Variants in OR10Z1 observed in about 807,000 individuals in gnomAD.
OR10Z1 encodes the protein olfactory receptor 10Z1.
For synonymous variants in OR10Z1, 187 were observed against 151.2 expected (o/e 1.24, Z -1.74); for missense variants, 468 against 371.0 (o/e 1.26, Z -2.15).
chr1:158,607,754 G>A lies in OR10Z1; in HGVS notation c.*374G>A, dbSNP rs1649098579. The stretch of plus-strand genomic sequence containing the variant: ...TTCAAGTTCAAGGCAGGGCTGGCTG[G>A]AGCCCATCAGGGATACTGTAGAGAT... On this transcript the variant is annotated 3_prime_UTR_variant, in exon 2 of 2. Transcript: ENST00000641002. 5.6e-6 allele frequency: 1 copy of A among 178,686 alleles called. No individual in the cohort carries two copies. Among genetic ancestry groups the A allele is most frequent in the Non-Finnish European group, 1.2e-5 (1 of 85,018 alleles). The allele number at this position is 178,686 out of a possible 1,614,324, so 11.1% of individuals were successfully genotyped here.
At chr1:158,606,021 T>A (rs1249427359) in intron 1 of OR10Z1, among the ~76,000 whole-genome samples, 2 of 152,252 alleles carry the variant, frequency 1.3e-5, no homozygotes, top group Non-Finnish European at 2.9e-5. Context: ...GTGTTTGTAA[T>A]GTATGTGCCT....
At position 158,607,896 on chromosome 1, in the gene OR10Z1, T is replaced by C. The variant is rs1649101368; in HGVS notation, c.*516T>C. The C allele has an allele frequency of 6.6e-6, 1 of 152,462 alleles. No individual in the cohort carries two copies. Among genetic ancestry groups the C allele is most frequent in the African/African-American group, 2.4e-5 (1 of 41,444 alleles). The allele number at this position is 152,462 out of a possible 1,614,324, so 9.4% of individuals were successfully genotyped here. On this transcript the variant is annotated 3_prime_UTR_variant, in exon 2 of 2. Transcript: ENST00000641002. ...AAGCTTTGTTAAATGAACAGGTGGG[T>C]CATTTTTACTCCCACTGGGTGTCTT...
Position 158,611,212 on chromosome 1 carries a change from A to G in OR10Z1, c.*3832A>G. 2 of 1,604,608 alleles carry G rather than the reference A, an allele frequency of 1.2e-6. No individual in the cohort carries two copies. The highest frequency in any genetic ancestry group is 1.7e-5 in the Admixed American group (1 of 59,654). ...CATTTGCCTGTACTCTTTGCCCCCC[A>G]GTAAATTTCCCACGACACTAAGATT... On this transcript the variant is annotated 3_prime_UTR_variant, in exon 2 of 2. Transcript: ENST00000641002.
In OR10Z1 at chr1:158,609,866, C is replaced by T. The variant is rs1159515460; in HGVS notation, c.*2486C>T. 1.3e-5 allele frequency: 2 copies of T among 152,124 alleles called. No individual in the cohort carries two copies. Among genetic ancestry groups the T allele is most frequent in the Non-Finnish European group, 2.9e-5 (2 of 68,010 alleles). The allele number at this position is 152,124 out of a possible 1,614,324, so 9.4% of individuals were successfully genotyped here. ...GGTTAGCATTGGGGGAATGGAATCACATCCACCTTTGCTTGTGATTATTTT... is the reference window on the plus strand; with the variant it reads ...GGTTAGCATTGGGGGAATGGAATCATATCCACCTTTGCTTGTGATTATTTT... On this transcript the variant is annotated 3_prime_UTR_variant, in exon 2 of 2. Coordinates refer to ENST00000641002, the MANE Select transcript of OR10Z1 (RefSeq NM_001004478.2).
Position 158,609,927 on chromosome 1 carries a change from A to C in OR10Z1, c.*2547A>C, listed in dbSNP as rs1649163905. 2 of 152,188 alleles carry C rather than the reference A, an allele frequency of 1.3e-5. No homozygotes were observed. The highest frequency in any genetic ancestry group is 6.5e-5 in the Admixed American group (1 of 15,268). 9.4% of individuals were successfully genotyped at this position (152,188 alleles called of 1,614,324 possible). A position where few individuals can be genotyped will look rare whatever the true frequency, so the allele number is the denominator to read the frequency against. On this transcript the variant is annotated 3_prime_UTR_variant, in exon 2 of 2. Transcript: ENST00000641002. ...AGTTTTAGACTATCCATATGTGGTA[A>C]GTGTGATATTAAACAATGCTAATTT...
At position 158,606,613 on chromosome 1, in the gene OR10Z1, A is replaced by G. The variant is rs764204423; in HGVS notation, c.175A>G (p.Met59Val). Residue 59 changes from methionine (M) to valine (V), a missense_variant, in exon 2 of 2, where the codon ATG (methionine) becomes GTG (valine). Transcript: ENST00000641002. ...IRLDSHLHTP[M>V]YLFLSFLSFS... ...GCTGGATAGCCATCTGCACACCCCC[A>G]TGTACCTCTTCCTTTCCTTCCTATC... The G allele has an allele frequency of 1.7e-5, 27 of 1,613,768 alleles. No individual in the cohort carries two copies. Among genetic ancestry groups the G allele is most frequent in the East Asian group, 4.5e-5 (2 of 44,872 alleles).
Position 158,607,211 on chromosome 1 carries a change from T to C in OR10Z1, c.773T>C (p.Val258Ala). 6.2e-7 allele frequency: 1 copy of C among 1,614,096 alleles called. No individual in the cohort carries two copies. The highest frequency in any genetic ancestry group is 8.5e-7 in the Non-Finnish European group (1 of 1,179,958). The change falls in exon 2 of 2, where the codon GTG (valine) becomes GCG (alanine). Residue 258 changes from valine (V) to alanine (A), a missense_variant. Coordinates refer to ENST00000641002, the MANE Select transcript of OR10Z1 (RefSeq NM_001004478.2). ...VIIHYGCASF[V>A]YLRPKASYSL... ...ATTCATTATGGCTGTGCTTCCTTCG[T>C]GTACCTGAGGCCCAAAGCCAGCTAC...
At position 158,608,122 on chromosome 1, in the gene OR10Z1, T is replaced by C. The variant is rs1209588382; in HGVS notation, c.*742T>C. On this transcript the variant is annotated 3_prime_UTR_variant, in exon 2 of 2. Coordinates refer to ENST00000641002, the MANE Select transcript of OR10Z1 (RefSeq NM_001004478.2). ...TTGATTTTCCAAGCTGGGTGCACTCTATTTCAGAAAATATATTTACTTCCT... is the reference window on the plus strand; with the variant it reads ...TTGATTTTCCAAGCTGGGTGCACTCCATTTCAGAAAATATATTTACTTCCT... 6.6e-6 allele frequency: 1 copy of C among 152,136 alleles called. No homozygotes were observed. The highest frequency in any genetic ancestry group is 2.4e-5 in the African/African-American group (1 of 41,434). 9.4% of individuals were successfully genotyped at this position (152,136 alleles called of 1,614,324 possible). A position where few individuals can be genotyped will look rare whatever the true frequency, so the allele number is the denominator to read the frequency against.
At position 158,610,626 on chromosome 1, in the gene OR10Z1, T is replaced by A. The variant is rs1352431195; in HGVS notation, c.*3246T>A. The A allele has an allele frequency of 2.0e-5, 3 of 152,010 alleles. No homozygotes were observed. Among genetic ancestry groups the A allele is most frequent in the Non-Finnish European group, 4.4e-5 (3 of 67,994 alleles). The allele number at this position is 152,010 out of a possible 1,614,324, so 9.4% of individuals were successfully genotyped here. The stretch of plus-strand genomic sequence containing the variant: ...AATAACATCTACAATAATTTTGAAG[T>A]ATGGAAAAAAAACAAGAAGAAAACA... On this transcript the variant is annotated 3_prime_UTR_variant, in exon 2 of 2. Coordinates refer to ENST00000641002, the MANE Select transcript of OR10Z1 (RefSeq NM_001004478.2).
chr1:158,611,166 C>G lies in OR10Z1; in HGVS notation c.*3786C>G. On this transcript the variant is annotated 3_prime_UTR_variant, in exon 2 of 2. Transcript: ENST00000641002. Reference sequence around the variant, plus strand: ...ACACACACACACACACACACACACACGAGGCCATCTTTATCTTCCACATTT... The same window carrying G: ...ACACACACACACACACACACACACAGGAGGCCATCTTTATCTTCCACATTT... The G allele has an allele frequency of 1.4e-6, 2 of 1,387,716 alleles. No homozygotes were observed. Among genetic ancestry groups the G allele is most frequent in the Admixed American group, 1.8e-5 (1 of 57,030 alleles). 86.0% of individuals were successfully genotyped at this position (1,387,716 alleles called of 1,614,324 possible). A position where few individuals can be genotyped will look rare whatever the true frequency, so the allele number is the denominator to read the frequency against.
rs1258296077 is a variant in OR10Z1, at chr1:158,610,767, A to G, written c.*3387A>G. On this transcript the variant is annotated 3_prime_UTR_variant, in exon 2 of 2. Transcript: ENST00000641002. ...ATTTAAACACATTCCAAAGTTTAAAAAAATTGTTTGAAAATTGCCTTGGAT... is the reference window on the plus strand; with the variant it reads ...ATTTAAACACATTCCAAAGTTTAAAGAAATTGTTTGAAAATTGCCTTGGAT... The G allele has an allele frequency of 6.5e-6, 1 of 152,724 alleles. No individual in the cohort carries two copies. Among genetic ancestry groups the G allele is most frequent in the African/African-American group, 2.4e-5 (1 of 41,456 alleles). The allele number at this position is 152,724 out of a possible 1,614,324, so 9.5% of individuals were successfully genotyped here. A position where few individuals can be genotyped will look rare whatever the true frequency, so the allele number is the denominator to read the frequency against.
chr1:158,605,429 T>A (rs967982673), intron 1 of OR10Z1, 28 bp downstream of exon 1: 1 of 152,788 alleles, frequency 6.5e-6, no homozygotes, highest in Non-Finnish European at 1.5e-5. Context: ...CCTTGACTTA[T>A]GCTTTGGTTT....
At position 158,609,368 on chromosome 1, in the gene OR10Z1, G is replaced by T. The variant is rs1468474083; in HGVS notation, c.*1988G>T. 4 of 152,152 alleles carry T rather than the reference G, an allele frequency of 2.6e-5. No individual in the cohort carries two copies. Among genetic ancestry groups the T allele is most frequent in the African/African-American group, 9.7e-5 (4 of 41,434 alleles). 9.4% of individuals were successfully genotyped at this position (152,152 alleles called of 1,614,324 possible). On this transcript the variant is annotated 3_prime_UTR_variant, in exon 2 of 2. Coordinates refer to ENST00000641002, the MANE Select transcript of OR10Z1 (RefSeq NM_001004478.2). ...GATAGCCAAAAGGGCCTCATCAGGG[G>T]AGAAAGGCCATCTACTCTGAAGTTC...
rs777084520 is a variant in OR10Z1, at chr1:158,607,160, G to C, written c.722G>C (p.Cys241Ser). The change falls in exon 2 of 2, where the codon TGT becomes TCT. Residue 241 changes from cysteine to serine, a missense_variant. Cys to Ser is a moderately radical substitution (Grantham distance 112). Coordinates refer to ENST00000641002, the MANE Select transcript of OR10Z1 (RefSeq NM_001004478.2). ...AEGQKKAFST[C>S]ASHLTVVIIH... ...GGGCAGAAGAAGGCCTTCTCCACTT[G>C]TGCCTCGCACCTTACAGTGGTCATT... 2.5e-6 allele frequency: 4 copies of C among 1,614,052 alleles called. No homozygotes were observed. The highest frequency in any genetic ancestry group is 1.1e-5 in the South Asian group (1 of 91,086).
chr1:158,607,149 C>T lies in OR10Z1; in HGVS notation c.711C>T (p.Ala237=), dbSNP rs374218677. Residue 237 remains alanine (A), a synonymous_variant, in exon 2 of 2, where the codon GCC becomes GCT. Transcript: ENST00000641002. The part of the protein sequence containing the change: ...RIPSAEGQKK[A]FSTCASHLTV... ...CCTCTGCTGAGGGGCAGAAGAAGGC[C>T]TTCTCCACTTGTGCCTCGCACCTTA... The T allele has an allele frequency of 1.9e-6, 3 of 1,613,940 alleles. No individual in the cohort carries two copies. The highest frequency in any genetic ancestry group is 2.7e-5 in the African/African-American group (2 of 74,900).
chr1:158,606,702 G>T lies in OR10Z1; in HGVS notation c.264G>T (p.Gly88=), dbSNP rs1384111125. Residue 88 remains glycine (G), a synonymous_variant, in exon 2 of 2, where the codon GGG becomes GGT. Transcript: ENST00000641002. The stretch of plus-strand genomic sequence containing the variant: ...GAATGCTCTCTGGCCTGGCTGGGGG[G>T]GACCAGGCTATCTCCTATGTGGGCT... ...IPRMLSGLAG[G]DQAISYVGCA... The T allele has an allele frequency of 6.2e-7, 1 of 1,614,008 alleles. No individual in the cohort carries two copies. Among genetic ancestry groups the T allele is most frequent in the South Asian group, 1.1e-5 (1 of 91,070 alleles).
rs1649115278 is a variant in OR10Z1 at position 158,608,375 on chromosome 1, T to G, written c.*995T>G. On this transcript the variant is annotated 3_prime_UTR_variant, in exon 2 of 2. Transcript: ENST00000641002. The stretch of plus-strand genomic sequence containing the variant: ...CAAGACCGTCAGGCAGGAGTTTGAA[T>G]CCAAACTCTTCAACTTACTAGCTGT... 1 of 152,192 alleles carries G rather than the reference T, an allele frequency of 6.6e-6. No individual in the cohort carries two copies. The allele number at this position is 152,192 out of a possible 1,614,324, so 9.4% of individuals were successfully genotyped here.
chr1:158,605,622 G>A (rs1056572643), intron 1 of OR10Z1, among the ~76,000 whole-genome samples: 10 of 152,164 alleles, frequency 6.6e-5, no homozygotes, highest in Non-Finnish European at 1.3e-4. Flanking sequence ...GGGTTGTATA[G>A]ATAAAGTGAT....
In OR10Z1 at chr1:158,608,839, C is replaced by A. The variant is rs1383625503; in HGVS notation, c.*1459C>A. On this transcript the variant is annotated 3_prime_UTR_variant, in exon 2 of 2. Coordinates refer to ENST00000641002, the MANE Select transcript of OR10Z1 (RefSeq NM_001004478.2). Reference sequence around the variant, plus strand: ...AGAAGTTAGTTTGAGTCATGACTTACTTGTTGAAATAATTTGAATACCTTG... The same window carrying A: ...AGAAGTTAGTTTGAGTCATGACTTAATTGTTGAAATAATTTGAATACCTTG... 4 of 152,128 alleles carry A rather than the reference C, an allele frequency of 2.6e-5. No individual in the cohort carries two copies. Among genetic ancestry groups the A allele is most frequent in the African/African-American group, 9.7e-5 (4 of 41,434 alleles). The allele number at this position is 152,128 out of a possible 1,614,324, so 9.4% of individuals were successfully genotyped here. A position where few individuals can be genotyped will look rare whatever the true frequency, so the allele number is the denominator to read the frequency against.
Sources: gnomAD v4.1 joint callset for allele counts (sites outside exome capture counted in the v4.1 genomes callset) on GRCh38, gnomAD v4.1.1 for gene constraint, MANE v1.5 for transcripts, NCBI Gene and HGNC (gene_info 2026-07-23, HGNC 2026-07-21) for gene names.